COL16A1: variants seen among roughly 807,000 people sequenced by gnomAD.
The protein encoded by COL16A1 is collagen alpha-1(XVI) chain.
A neutral mutation model predicts 266.3 loss-of-function variants in COL16A1; 189 were observed. That is an observed-to-expected ratio of 0.71 (90% CI 0.63 to 0.80). The LOEUF is 0.80. COL16A1 is among the 30% of genes least tolerant of loss of function. The probability of loss-of-function intolerance (pLI) is 0.00; values close to 1 mark genes in which losing one functional copy is unlikely to be tolerated. For missense variants in COL16A1, 1,928 were observed against 2,122.4 expected (o/e 0.91, Z 1.80); for synonymous variants, 740 against 782.3 (o/e 0.95, Z 0.90).
intron 64 of COL16A1, among the ~76,000 whole-genome samples, chr1:31,658,064 A>G (rs530742230): frequency 6.7e-4 from 102 of 152,376 alleles, no homozygotes; most frequent in Non-Finnish European, 9.4e-4. Context: ...TGACCGATAT[A>G]TCAGCGCTCT....
At chr1:31,679,609 C>T (rs377753573) in intron 42 of COL16A1, 23 bp downstream of exon 42, 2 of 1,614,128 alleles carry the variant, frequency 1.2e-6, no homozygotes, top group East Asian at 2.2e-5. Context: ...ACCCAAGCTC[C>T]TCATTCTCTT....
rs75955355 is a variant in COL16A1, at chr1:31,664,268, G to A, written c.3555+904C>T. ...GCTCTGGGGAGGTAGTGAGGTGCCC[G>A]GGTCCTCCTGGAGCTGGGAAGGAAG... On this transcript the variant is annotated intron_variant, in intron 56 of 70. Transcript: ENST00000373672. This position sits in a 1 kb window ranked among gnomAD's most constrained non-coding sequence, Gnocchi z 5.5. 1.7e-3 allele frequency among the ~76,000 whole-genome samples: 256 copies of A among 152,290 alleles called. 3 individuals carry two copies. The highest frequency in any genetic ancestry group is 6.0e-3 in the African/African-American group (248 of 41,562).
intron 59 of COL16A1, 24 bp downstream of exon 59, chr1:31,661,636 A>C (rs773341487): frequency 1.2e-6 from 2 of 1,613,880 alleles, no homozygotes; most frequent in Non-Finnish European, 1.7e-6. Context: ...GCAGCTTCCA[A>C]CTCCTTCCTG....
At position 31,684,158 on chromosome 1, in the gene COL16A1, C is replaced by T. The variant is rs778878265; in HGVS notation, c.2234G>A (p.Gly745Asp). Residue 745 changes from glycine to aspartate, a missense_variant, in exon 32 of 71, where the codon GGC (glycine) becomes GAC (aspartate). By Grantham distance (94) the Gly-to-Asp change is moderately conservative. Transcript: ENST00000373672. ...TDMAGRPGQP[G>D]PKGEQGPEGV... ...TTCGGGGCCCTGCTCTCCTTTGGGG[C>T]CGGGCTGCCCAGGCCGTCCTGCCAT... The T allele has an allele frequency of 1.1e-5, 17 of 1,548,438 alleles. No homozygotes were observed. Among genetic ancestry groups the T allele is most frequent in the Non-Finnish European group, 1.5e-5 (17 of 1,145,544 alleles).
At chr1:31,690,310 G>A in intron 22 of COL16A1, 57 bp downstream of exon 22, 1 of 1,609,626 alleles carries the variant, frequency 6.2e-7, no homozygotes, top group Non-Finnish European at 8.5e-7. Flanking sequence ...TCACTGTCAT[G>A]TGCAGAAAGG....
In COL16A1 at chr1:31,683,234, G is replaced by A; in HGVS notation, c.2429C>T (p.Pro810Leu). The change falls in exon 36 of 71, where the codon CCT (proline) becomes CTT (leucine). Residue 810 changes from proline to leucine, a missense_variant. Transcript: ENST00000373672. ...GLPGIQGLPG[P>L]RGPPGPTGEK... ...TCCAGTGGGGCCAGGTGGTCCCCGAGGTCCCGGAAGTCCCTGCAGATGGAA... is the reference window on the plus strand; with the variant it reads ...TCCAGTGGGGCCAGGTGGTCCCCGAAGTCCCGGAAGTCCCTGCAGATGGAA... 1.2e-6 allele frequency: 2 copies of A among 1,614,134 alleles called. No homozygotes were observed. The highest frequency in any genetic ancestry group is 4.5e-5 in the East Asian group (2 of 44,884).
At chr1:31,701,593 T>C (rs1426876564) in intron 2 of COL16A1, 15 of 984,578 alleles carry the variant, frequency 1.5e-5, no homozygotes, top group African/African-American at 1.7e-5. Context: ...ATCCAGAGTC[T>C]GGGCCTCGGG....
chr1:31,699,840 C>G lies in COL16A1; in HGVS notation c.239G>C (p.Gly80Ala). ...NPKGPLILRL[G>A]AAPVTQPTRR... ...CGTGGGCTGGGTCACGGGGGCCGCC[C>G]CCAGGCGCAGGATGAGAGGCCCCTT... The change falls in exon 4 of 71, where the codon GGG becomes GCG. Residue 80 changes from glycine (G) to alanine (A), a missense_variant. This residue lies in a region of COL16A1 where 1,552 missense variants were observed against 1,637.2 expected (regional missense o/e 0.95). Transcript: ENST00000373672. 6.2e-7 allele frequency: 1 copy of G among 1,613,542 alleles called. No individual in the cohort carries two copies. Among genetic ancestry groups the G allele is most frequent in the Non-Finnish European group, 8.5e-7 (1 of 1,179,520 alleles).
At chr1:31,653,493 G>T in intron 70 of COL16A1, 106 bp downstream of exon 70, 2 of 1,321,956 alleles carry the variant, frequency 1.5e-6, no homozygotes, top group Non-Finnish European at 2.1e-6. Context: ...TGGTTGACTG[G>T]CCTGTCGTTA....
At chr1:31,672,907 G>T (rs749046666) in intron 44 of COL16A1, 67 bp from the exon 45 acceptor site, 7 of 1,460,692 alleles carry the variant, frequency 4.8e-6, no homozygotes, top group Non-Finnish European at 6.6e-6. Flanking sequence ...CAACTGGGGA[G>T]CCCCAGTGAG....
At position 31,652,624 on chromosome 1, in the gene COL16A1, C is replaced by G; in HGVS notation, c.*27G>C. On this transcript the variant is annotated 3_prime_UTR_variant, in exon 71 of 71. Coordinates refer to ENST00000373672, the MANE Select transcript of COL16A1 (RefSeq NM_001856.4). The surrounding 1 kb of genome is among the most constrained non-coding windows in gnomAD (Gnocchi z 4.8). Reference sequence around the variant, plus strand: ...TTTGGCCATTTATTCCCAACGGAGTCTTTCATCCAAAGGCAGGTGGGGAAT... The same window carrying G: ...TTTGGCCATTTATTCCCAACGGAGTGTTTCATCCAAAGGCAGGTGGGGAAT... 1 of 1,540,320 alleles carries G rather than the reference C, an allele frequency of 6.5e-7. No individual in the cohort carries two copies. Among genetic ancestry groups the G allele is most frequent in the Non-Finnish European group, 8.7e-7 (1 of 1,147,660 alleles).
intron 16 of COL16A1, 73 bp downstream of exon 16, chr1:31,692,401 A>ACTC: frequency 6.5e-7 from 1 of 1,547,410 alleles, no homozygotes; most frequent in Non-Finnish European, 8.7e-7. Context: ...GAGAACCCCG[A>ACTC]CTCCTCCTTC....
intron 52 of COL16A1, among the ~76,000 whole-genome samples, chr1:31,667,121 T>TAG (rs1304389812): frequency 4.6e-5 from 7 of 152,202 alleles, no homozygotes; most frequent in Non-Finnish European, 1.0e-4. Flanking sequence ...TGTCACCAGA[T>TAG]AGATGTGTGT....
rs1010359975 is a variant in COL16A1, at chr1:31,668,981, G to C, written c.3196-126C>G. The stretch of plus-strand genomic sequence containing the variant: ...AAATATGGAGGCCATAGTGGCTCTC[G>C]TAGTGTCCCTAGAAGGTGACCCGTA... On this transcript the variant is annotated intron_variant, in intron 49 of 70. Transcript: ENST00000373672. The surrounding 1 kb of genome is among the most constrained non-coding windows in gnomAD (Gnocchi z 5.8). 1 of 797,798 alleles carries C rather than the reference G, an allele frequency of 1.3e-6. No individual in the cohort carries two copies. The highest frequency in any genetic ancestry group is 1.7e-5 in the African/African-American group (1 of 57,536). 49.4% of individuals were successfully genotyped at this position (797,798 alleles called of 1,614,324 possible).
chr1:31,680,231 T>G (rs997124491), intron 39 of COL16A1, 130 bp from the exon 40 acceptor site: 12 of 1,395,576 alleles, frequency 8.6e-6, no homozygotes. Context: ...CCTCTTCTAA[T>G]GTGCCCTTAG....
Position 31,688,948 on chromosome 1 carries a change from G to C in COL16A1, c.1680C>G (p.Ser560Arg). Residue 560 changes from serine (S) to arginine (R), a missense_variant, in exon 25 of 71, where the codon AGC becomes AGG. By Grantham distance (110) the Ser-to-Arg change is moderately radical. Transcript: ENST00000373672. This position sits in a 1 kb window ranked among gnomAD's most constrained non-coding sequence, Gnocchi z 4.9. ...GEKGEPCLSCSSVVGAQHLVS... is the reference protein window; with the variant it reads ...GEKGEPCLSCRSVVGAQHLVS... ...CAAGATGCTGGGCCCCTACAACCGA[G>C]CTGCAGGACAAGCAGGGCTCCCCCT... 1 of 1,614,148 alleles carries C rather than the reference G, an allele frequency of 6.2e-7. No individual in the cohort carries two copies. The highest frequency in any genetic ancestry group is 1.1e-5 in the South Asian group (1 of 91,084).
chr1:31,662,224 C>T (rs1641732630), intron 58 of COL16A1, 110 bp downstream of exon 58: 1 of 1,544,464 alleles, frequency 6.5e-7, no homozygotes, highest in African/African-American at 1.4e-5. Flanking sequence ...TGGGTGCCCC[C>T]TGACAAAGAC....
intron 58 of COL16A1, 58 bp from the exon 59 acceptor site, chr1:31,661,762 CAT>C (rs1390341065): frequency 1.9e-5 from 29 of 1,548,304 alleles, no homozygotes; most frequent in Non-Finnish European, 2.4e-5. Context: ...GTATCCAACT[CAT>C]ACCTCTGTCC....
Position 31,675,217 on chromosome 1 carries a change from C to G in COL16A1, c.2826+41G>C, listed in dbSNP as rs199589643. 7 of 1,614,014 alleles carry G rather than the reference C, an allele frequency of 4.3e-6. No homozygotes were observed. The East Asian group carries it at 1.6e-4, about 36-fold the overall frequency. ...ATAGCCTGAGCAGCCCTGGGAAGGG[C>G]AGGGAAGGGGCATGCACAGGGAGTC... On this transcript the variant is annotated intron_variant, in intron 43 of 70. Coordinates refer to ENST00000373672, the MANE Select transcript of COL16A1 (RefSeq NM_001856.4).
Sources: gnomAD v4.1 joint callset for allele counts (sites outside exome capture counted in the v4.1 genomes callset) on GRCh38, gnomAD v4.1.1 for gene constraint, gnomAD v4.1.1 regional missense constraint, Gnocchi (gnomAD v3.1) non-coding constraint, MANE v1.5 for transcripts, NCBI Gene and HGNC (gene_info 2026-07-23, HGNC 2026-07-21) for gene names.